Variants in CFH observed in about 807,000 individuals in gnomAD.
CFH encodes H factor 1 (complement).
Under a neutral mutation model 147.3 loss-of-function variants are expected in CFH, and 53 were observed. The observed-to-expected ratio is 0.36, with a 90% CI of 0.29 to 0.45. The LOEUF is 0.45. Among genes scored for constraint, CFH ranks in the 20% least tolerant of loss-of-function variants. The pLI is 1.00. For synonymous variants in CFH, 536 were observed against 489.4 expected (o/e 1.10, Z -1.26); for missense variants, 1,380 against 1,498.0 (o/e 0.92, Z 1.30).
chr1:196,696,996 A>T (rs1196127902), intron 9 of CFH, among the ~76,000 whole-genome samples: 3 of 152,216 alleles, frequency 2.0e-5, no homozygotes, highest in Non-Finnish European at 4.4e-5. Flanking sequence ...CCTTATACTA[A>T]AATTAATTCA....
chr1:196,652,056 G>C lies in CFH; in HGVS notation c.-62G>C. The C allele has an allele frequency of 8.7e-7, 1 of 1,151,644 alleles. No individual in the cohort carries two copies. The highest frequency in any genetic ancestry group is 1.7e-5 in the Admixed American group (1 of 59,154). 71.3% of individuals were successfully genotyped at this position (1,151,644 alleles called of 1,614,324 possible). ...CCTGCACTAATCACAATTCTTGGAA[G>C]AGGAGAACTGGACGTTGTGAACAGA... On this transcript the variant is annotated 5_prime_UTR_variant, in exon 1 of 22. Transcript: ENST00000367429.
chr1:196,705,240 A>G (rs1668559039), intron 9 of CFH, among the ~76,000 whole-genome samples: 1 of 152,172 alleles, frequency 6.6e-6, no homozygotes, highest in Non-Finnish European at 1.5e-5. Flanking sequence ...GTATCCAAGA[A>G]AAAAATCACA....
intron 20 of CFH, 39 bp downstream of exon 20, chr1:196,743,667 T>C (rs368331227): frequency 4.8e-5 from 78 of 1,612,508 alleles, no homozygotes; most frequent in Non-Finnish European, 5.1e-5. Flanking sequence ...TGGGGGAGTA[T>C]AGCAGGGTTA....
At chr1:196,732,190 A>T (rs1383941310) in intron 15 of CFH, among the ~76,000 whole-genome samples, 1 of 151,556 alleles carries the variant, frequency 6.6e-6, no homozygotes, top group East Asian at 1.9e-4. Context: ...TTATGTGTTT[A>T]TTTTGGTTCT....
chr1:196,694,330 C>G (rs1033865520), intron 9 of CFH, among the ~76,000 whole-genome samples: 2 of 152,022 alleles, frequency 1.3e-5, no homozygotes, highest in African/African-American at 4.8e-5. Context: ...GCAAAGGACA[C>G]GAACTCATTC....
chr1:196,678,077 A>G, intron 5 of CFH: 1 of 191,840 alleles, frequency 5.2e-6, no homozygotes, highest in Non-Finnish European at 1.1e-5. Context: ...GACCTCTGGA[A>G]TAGACATTTG....
intron 1 of CFH, among the ~76,000 whole-genome samples, chr1:196,655,849 A>G (rs1666667895): frequency 6.6e-6 from 1 of 152,242 alleles, no homozygotes; most frequent in Non-Finnish European, 1.5e-5. Flanking sequence ...AGGAGTCATA[A>G]AAAGATAGCT....
At chr1:196,746,023 G>C (rs1652990107) in intron 21 of CFH, 24 bp downstream of exon 21, 1 of 1,613,928 alleles carries the variant, frequency 6.2e-7, no homozygotes, top group African/African-American at 1.3e-5. Context: ...TATTCACGTG[G>C]CTGGAAAAAT....
intron 1 of CFH, among the ~76,000 whole-genome samples, chr1:196,654,502 C>T (rs1027798576): frequency 6.6e-6 from 1 of 152,032 alleles, no homozygotes; most frequent in Non-Finnish European, 1.5e-5. Context: ...ATTTACAGGA[C>T]AAAGTTTAAA....
chr1:196,740,090 G>T (rs1652759145), intron 17 of CFH, among the ~76,000 whole-genome samples: 1 of 152,058 alleles, frequency 6.6e-6, no homozygotes, highest in African/African-American at 2.4e-5. Context: ...AGCAGCAGAG[G>T]AAAAATCGCC....
At chr1:196,738,812 T>C (rs998201209) in intron 17 of CFH, among the ~76,000 whole-genome samples, 6 of 152,218 alleles carry the variant, frequency 3.9e-5, no homozygotes, top group African/African-American at 1.4e-4. Flanking sequence ...AGGCAGTGCC[T>C]CAGTGGGGAC....
At chr1:196,745,685 G>C (rs1652980697) in intron 20 of CFH, 132 bp from the exon 21 acceptor site, 1 of 1,249,146 alleles carries the variant, frequency 8.0e-7, no homozygotes. Context: ...TTTCTTCCAG[G>C]ACTCATTTCT....
At chr1:196,657,060 T>C (rs1288180307) in intron 1 of CFH, among the ~76,000 whole-genome samples, 1 of 152,062 alleles carries the variant, frequency 6.6e-6, no homozygotes, top group East Asian at 1.9e-4. Flanking sequence ...GGTGCGATCA[T>C]AGTTCACTGC....
At chr1:196,729,521 A>T (rs10922107) in intron 15 of CFH, among the ~76,000 whole-genome samples, 24,427 of 151,762 alleles carry the variant, frequency 0.16, 2,498 homozygotes, top group East Asian at 0.48. Flanking sequence ...TTTTGTACCT[A>T]TGTTCATCAG....
chr1:196,697,146 C>T (rs1447824301), intron 9 of CFH, among the ~76,000 whole-genome samples: 11 of 152,148 alleles, frequency 7.2e-5, no homozygotes, highest in African/African-American at 2.2e-4. Flanking sequence ...CAAGCCAAAA[C>T]TGACAAATGG....
intron 9 of CFH, among the ~76,000 whole-genome samples, chr1:196,712,821 G>A (rs1026031912): frequency 1.6e-5 from 2 of 128,802 alleles, no homozygotes; most frequent in Admixed American, 1.0e-4. Flanking sequence ...CTGTGTCCAC[G>A]TGTTCTCATT....
At chr1:196,657,054 C>T (rs1161550999) in intron 1 of CFH, among the ~76,000 whole-genome samples, 7 of 151,964 alleles carry the variant, frequency 4.6e-5, no homozygotes, top group Non-Finnish European at 8.8e-5. Context: ...TGCAGTGGTG[C>T]GATCATAGTT....
rs766157711 is a variant in CFH, at chr1:196,740,716, T to G, written c.2880T>G (p.Phe960Leu). ...GAGAAGAAGTTACGTACAAATGTTT[T>G]GAAGGTTTTGGAATTGATGGGCCTG... ...QYGEEVTYKC[F>L]EGFGIDGPAI... Residue 960 changes from phenylalanine to leucine, a missense_variant, in exon 18 of 22, where the codon TTT (phenylalanine) becomes TTG (leucine). This residue lies in a region of CFH where 830 missense variants were observed against 821.4 expected (regional missense o/e 1.01). Transcript: ENST00000367429. 1.9e-6 allele frequency: 3 copies of G among 1,614,064 alleles called. No homozygotes were observed. In the South Asian group the frequency reaches 3.3e-5, roughly 18 times the overall value.
At chr1:196,708,739 G>A (rs1443085943) in intron 9 of CFH, among the ~76,000 whole-genome samples, 3 of 152,024 alleles carry the variant, frequency 2.0e-5, no homozygotes, top group Non-Finnish European at 4.4e-5. Context: ...TCAATAACCT[G>A]TATATTAAGG....
Sources: gnomAD v4.1 joint callset for allele counts (sites outside exome capture counted in the v4.1 genomes callset) on GRCh38, gnomAD v4.1.1 for gene constraint, gnomAD v4.1.1 regional missense constraint, MANE v1.5 for transcripts, NCBI Gene and HGNC (gene_info 2026-07-23, HGNC 2026-07-21) for gene names.